The following FHOD3 variants were observed in gnomAD, a reference collection of about 807,000 sequenced individuals.
FHOD3 encodes formin homology 2 domain containing 3, also known as FH1/FH2 domain-containing protein 3.
In FHOD3, 90 loss-of-function variants were observed where a neutral mutation model predicts 173.0. That is an observed-to-expected ratio of 0.52 (90% CI 0.44 to 0.62). The LOEUF is 0.62. FHOD3 is among the 20% of genes least tolerant of loss of function. The pLI, the probability that FHOD3 is intolerant of heterozygous loss-of-function variation, is 0.00. For missense variants in FHOD3, 1,945 were observed against 2,034.7 expected (o/e 0.96, Z 0.85); for synonymous variants, 828 against 823.0 (o/e 1.01, Z -0.10).
chr18:36,301,969 C>CCTAGCTG, intron 1 of FHOD3, among the ~76,000 whole-genome samples: 1 of 152,278 alleles, frequency 6.6e-6, no homozygotes, highest in East Asian at 1.9e-4. Context: ...AGCTGAGAAC[C>CCTAGCTG]ATCCTAGAGG....
chr18:36,771,634 G>A (rs2043385479), intron 28 of FHOD3, among the ~76,000 whole-genome samples: 1 of 152,214 alleles, frequency 6.6e-6, no homozygotes, highest in African/African-American at 2.4e-5. Flanking sequence ...GTTCATTCAA[G>A]GAGGCCAATA....
At chr18:36,723,333 G>T (rs1042948344) in intron 19 of FHOD3, among the ~76,000 whole-genome samples, 10 of 152,182 alleles carry the variant, frequency 6.6e-5, no homozygotes, top group Middle Eastern at 6.8e-3. Flanking sequence ...CCTTTGCTTG[G>T]GCTTAGTTTT....
At chr18:36,499,417 A>G (rs2054909873) in intron 3 of FHOD3, among the ~76,000 whole-genome samples, 1 of 152,196 alleles carries the variant, frequency 6.6e-6, no homozygotes, top group South Asian at 2.1e-4. Context: ...TATTGACTTA[A>G]GAGTTACCTG....
chr18:36,499,011 A>G (rs1296728066), intron 3 of FHOD3, among the ~76,000 whole-genome samples: 1 of 152,222 alleles, frequency 6.6e-6, no homozygotes, highest in Non-Finnish European at 1.5e-5. Context: ...GAGTCTACTT[A>G]TGGCATATTT....
intron 3 of FHOD3, among the ~76,000 whole-genome samples, chr18:36,417,290 G>T (rs1369879275): frequency 6.6e-6 from 1 of 152,008 alleles, no homozygotes; most frequent in Non-Finnish European, 1.5e-5. Flanking sequence ...TCATCATTTA[G>T]CTCCTACTTA....
At chr18:36,371,911 C>T (rs915263579) in intron 2 of FHOD3, among the ~76,000 whole-genome samples, 2 of 152,162 alleles carry the variant, frequency 1.3e-5, no homozygotes, top group African/African-American at 4.8e-5. Flanking sequence ...ACTGCCTTCC[C>T]CTTTTCTCCA....
At chr18:36,407,936 A>AAGTTTT (rs2049149766) in intron 3 of FHOD3, among the ~76,000 whole-genome samples, 1 of 152,252 alleles carries the variant, frequency 6.6e-6, no homozygotes, top group African/African-American at 2.4e-5. Flanking sequence ...TTCAAGCTGC[A>AAGTTTT]CAATCCTTTC....
At chr18:36,440,062 C>T (rs1391519092) in intron 3 of FHOD3, among the ~76,000 whole-genome samples, 1 of 152,158 alleles carries the variant, frequency 6.6e-6, no homozygotes, top group Non-Finnish European at 1.5e-5. Flanking sequence ...ACTTAACCTC[C>T]ACCATCTTAG....
intron 19 of FHOD3, among the ~76,000 whole-genome samples, chr18:36,723,580 G>A (rs924085746): frequency 6.6e-6 from 1 of 152,152 alleles, no homozygotes; most frequent in African/African-American, 2.4e-5. Flanking sequence ...GGAGCGAGGA[G>A]GGATGATTTA....
chr18:36,420,760 C>T (rs1200781284), intron 3 of FHOD3, among the ~76,000 whole-genome samples: 1 of 152,188 alleles, frequency 6.6e-6, no homozygotes, highest in East Asian at 1.9e-4. Flanking sequence ...CTGTGATTCA[C>T]TTAGATGGTT....
At chr18:36,634,484 A>G (rs1599977421) in intron 10 of FHOD3, among the ~76,000 whole-genome samples, 1 of 152,196 alleles carries the variant, frequency 6.6e-6, no homozygotes, top group Non-Finnish European at 1.5e-5. Flanking sequence ...ATAGCAGAAT[A>G]GTAGAGCAGC....
chr18:36,754,762 G>A (rs1013246920), intron 24 of FHOD3, among the ~76,000 whole-genome samples: 14 of 151,478 alleles, frequency 9.2e-5, no homozygotes, highest in African/African-American at 3.4e-4. Flanking sequence ...TCTTACAAAA[G>A]TTTTACATAT....
chr18:36,439,756 A>G (rs1447835212), intron 3 of FHOD3, among the ~76,000 whole-genome samples: 1 of 152,122 alleles, frequency 6.6e-6, no homozygotes, highest in Non-Finnish European at 1.5e-5. Context: ...CCTGGGAGGT[A>G]GCTGGTGTTA....
chr18:36,397,814 G>T (rs1056954203), intron 3 of FHOD3, among the ~76,000 whole-genome samples: 4 of 152,198 alleles, frequency 2.6e-5, no homozygotes, highest in African/African-American at 9.7e-5. Flanking sequence ...GTTCCAGGGG[G>T]ATCAGATTGA....
intron 5 of FHOD3, among the ~76,000 whole-genome samples, chr18:36,566,153 G>A (rs1170503279): frequency 6.6e-6 from 1 of 152,192 alleles, no homozygotes; most frequent in East Asian, 1.9e-4. Flanking sequence ...AAAGTCAGAT[G>A]ATTTTGCCAG....
intron 15 of FHOD3, 75 bp downstream of exon 15, chr18:36,681,645 T>A (rs191074486): frequency 1.3e-5 from 19 of 1,460,712 alleles, no homozygotes; most frequent in Non-Finnish European, 1.8e-5. Flanking sequence ...ACTGTATACA[T>A]TTAATATTGG....
At chr18:36,483,876 C>T (rs1238632705) in intron 3 of FHOD3, among the ~76,000 whole-genome samples, 1 of 152,242 alleles carries the variant, frequency 6.6e-6, no homozygotes, top group Non-Finnish European at 1.5e-5. Flanking sequence ...CACATTCAAA[C>T]TGGCCACCTC....
chr18:36,660,664 A>G (rs1349404809), intron 14 of FHOD3, among the ~76,000 whole-genome samples: 1 of 152,182 alleles, frequency 6.6e-6, no homozygotes, highest in Non-Finnish European at 1.5e-5. Flanking sequence ...AAGAAAAGCA[A>G]ATTGGGTGGA....
intron 3 of FHOD3, among the ~76,000 whole-genome samples, chr18:36,463,567 C>T (rs573488509): frequency 7.7e-5 from 11 of 142,576 alleles, no homozygotes; most frequent in Non-Finnish European, 1.4e-4. Flanking sequence ...GGTGTTATCT[C>T]GGCTTACTGC....
Sources: allele counts gnomAD v4.1 joint callset (sites outside exome capture counted in the v4.1 genomes callset), GRCh38; gene constraint gnomAD v4.1.1; transcripts MANE v1.5; gene names NCBI Gene and HGNC (gene_info 2026-07-23, HGNC 2026-07-21).